The following KIAA1328 variants were observed in gnomAD, a reference collection of about 807,000 sequenced individuals.
The protein encoded by KIAA1328 is protein hinderin.
A neutral mutation model predicts 68.1 loss-of-function variants in KIAA1328; 52 were observed. That is an observed-to-expected ratio of 0.76 (90% confidence interval 0.61 to 0.96). The LOEUF (loss-of-function observed/expected upper bound fraction) is 0.96. Ranked by LOEUF, KIAA1328 falls within the 40% of genes least tolerant of loss-of-function variation. The pLI is 0.00. For synonymous variants in KIAA1328, 232 were observed against 239.4 expected (o/e 0.97, Z 0.28); for missense variants, 641 against 677.6 (o/e 0.95, Z 0.60).
At chr18:37,055,642 TG>T (rs2055878398) in intron 6 of KIAA1328, among the ~76,000 whole-genome samples, 1 of 152,182 alleles carries the variant, frequency 6.6e-6, no homozygotes, top group Admixed American at 6.6e-5. Flanking sequence ...TGTCATTCTG[TG>T]CCTTCTTTTA....
chr18:36,990,717 A>G (rs1485115055), intron 6 of KIAA1328, among the ~76,000 whole-genome samples: 2 of 151,868 alleles, frequency 1.3e-5, no homozygotes, highest in African/African-American at 4.8e-5. Flanking sequence ...ATTTTCTTCT[A>G]TTACAGAGAA....
intron 6 of KIAA1328, among the ~76,000 whole-genome samples, chr18:37,049,148 G>A (rs779193999): frequency 2.6e-5 from 4 of 152,126 alleles, no homozygotes; most frequent in South Asian, 2.1e-4. Flanking sequence ...TAAGAGAACT[G>A]TAAATAAATA....
chr18:36,950,206 G>A lies in KIAA1328; in HGVS notation c.449-9102G>A, dbSNP rs145556542. Among the ~76,000 whole-genome samples the A allele has an allele frequency of 1.1e-3, 163 of 152,220 alleles. 2 individuals are homozygous for A. The highest frequency in any genetic ancestry group is 3.6e-3 in the African/African-American group (149 of 41,550). ...ATGATTGTAAGGTGAGGAATTTGAC[G>A]TGGTCAGAAACCATATTTAAGATGA... On this transcript the variant is annotated intron_variant, in intron 5 of 9. Transcript: ENST00000280020.
intron 6 of KIAA1328, among the ~76,000 whole-genome samples, chr18:37,029,890 T>C (rs1051619542): frequency 6.6e-6 from 1 of 152,324 alleles, no homozygotes; most frequent in Non-Finnish European, 1.5e-5. Flanking sequence ...ATTTCTGTAA[T>C]TTATGTGGGA....
At chr18:37,184,927 G>A (rs1020688555) in intron 9 of KIAA1328, among the ~76,000 whole-genome samples, 5 of 152,138 alleles carry the variant, frequency 3.3e-5, no homozygotes, top group African/African-American at 4.8e-5. Flanking sequence ...ACTTTGGGAG[G>A]CTGAGACGGG....
intron 6 of KIAA1328, among the ~76,000 whole-genome samples, chr18:36,999,113 G>T (rs944921672): frequency 1.3e-5 from 2 of 152,050 alleles, no homozygotes; most frequent in African/African-American, 4.8e-5. Flanking sequence ...TGGAACTAAA[G>T]AATTCATTGA....
At chr18:37,098,280 T>G (rs1311403244) in intron 7 of KIAA1328, among the ~76,000 whole-genome samples, 2 of 152,252 alleles carry the variant, frequency 1.3e-5, no homozygotes, top group Non-Finnish European at 2.9e-5. Flanking sequence ...GTTTTTAGCA[T>G]GAAGCCTTGT....
At chr18:37,092,331 T>G (rs1228358156) in intron 7 of KIAA1328, among the ~76,000 whole-genome samples, 1 of 152,004 alleles carries the variant, frequency 6.6e-6, no homozygotes, top group Non-Finnish European at 1.5e-5. Flanking sequence ...CTACCACCGT[T>G]GCCAGAGGCA....
At position 37,222,760 on chromosome 18, in the gene KIAA1328, C is replaced by T; in HGVS notation, c.*533C>T. The T allele has an allele frequency of 1.0e-6, 1 of 996,274 alleles. No individual in the cohort carries two copies. The highest frequency in any genetic ancestry group is 1.7e-5 in the African/African-American group (1 of 57,388). 61.7% of individuals were successfully genotyped at this position (996,274 alleles called of 1,614,324 possible). On this transcript the variant is annotated 3_prime_UTR_variant, in exon 10 of 10. Coordinates refer to ENST00000280020, the MANE Select transcript of KIAA1328 (RefSeq NM_020776.3). The stretch of plus-strand genomic sequence containing the variant: ...GTTGGAGTTGGTGCCCCTGCCATCA[C>T]AAACAACACGAGAGCCAATTGTGAG...
chr18:36,887,520 G>T (rs1365653175), intron 5 of KIAA1328, among the ~76,000 whole-genome samples: 3 of 151,954 alleles, frequency 2.0e-5, no homozygotes. Context: ...GCAGAAAAGG[G>T]GAAGAGGTCC....
intron 9 of KIAA1328, among the ~76,000 whole-genome samples, chr18:37,204,035 C>A (rs2154219641): frequency 6.6e-6 from 1 of 152,312 alleles, no homozygotes; most frequent in Non-Finnish European, 1.5e-5. Flanking sequence ...TAGTCTCGAT[C>A]TCCTGACCTT....
intron 5 of KIAA1328, among the ~76,000 whole-genome samples, chr18:36,948,261 GTTTTTTTT>G (rs1167822236): frequency 8.6e-6 from 1 of 115,746 alleles, no homozygotes; most frequent in Non-Finnish European, 1.8e-5. Flanking sequence ...TTTGTCTTTT[GTTTTTTTT>G]TTTTTTTTTT....
chr18:37,027,322 C>G (rs1011716205), intron 6 of KIAA1328, among the ~76,000 whole-genome samples: 3 of 152,066 alleles, frequency 2.0e-5, no homozygotes, highest in Non-Finnish European at 2.9e-5. Context: ...CAATGCCATC[C>G]CCATCAAGCT....
At chr18:37,199,937 C>G (rs1421139863) in intron 9 of KIAA1328, among the ~76,000 whole-genome samples, 1 of 152,182 alleles carries the variant, frequency 6.6e-6, no homozygotes, top group East Asian at 1.9e-4. Context: ...TTTTTAAGAA[C>G]ATTTTTAAAA....
intron 9 of KIAA1328, among the ~76,000 whole-genome samples, chr18:37,198,933 G>T (rs1259651909): frequency 6.6e-6 from 1 of 152,086 alleles, no homozygotes; most frequent in Non-Finnish European, 1.5e-5. Flanking sequence ...GTCTATATTG[G>T]ACCTGATTTT....
At chr18:36,923,897 A>G (rs1598726617) in intron 5 of KIAA1328, 1 of 152,222 alleles carries the variant, frequency 6.6e-6, no homozygotes, top group Non-Finnish European at 1.5e-5. Context: ...TGTTTAGGAA[A>G]CTTCAGGAGT....
At chr18:37,119,648 A>T (rs548245599) in intron 7 of KIAA1328, among the ~76,000 whole-genome samples, 42 of 152,168 alleles carry the variant, frequency 2.8e-4, no homozygotes, top group Admixed American at 5.2e-4. Context: ...AATACCATCA[A>T]ATTGGGGGTT....
intron 4 of KIAA1328, among the ~76,000 whole-genome samples, chr18:36,881,862 G>A (rs181957252): frequency 8.5e-5 from 13 of 152,304 alleles, no homozygotes; most frequent in African/African-American, 3.1e-4. Flanking sequence ...TCCATTGATA[G>A]ATGTCAGGTT....
intron 7 of KIAA1328, among the ~76,000 whole-genome samples, chr18:37,124,972 C>G (rs1352742848): frequency 6.6e-6 from 1 of 152,130 alleles, no homozygotes; most frequent in Non-Finnish European, 1.5e-5. Flanking sequence ...TTTTGTAAAG[C>G]AAGCTGGCTC....
Sources: allele counts gnomAD v4.1 joint callset (sites outside exome capture counted in the v4.1 genomes callset), GRCh38; gene constraint gnomAD v4.1.1; transcripts MANE v1.5; gene names NCBI Gene and HGNC (gene_info 2026-07-23, HGNC 2026-07-21).